The following PANK4 variants were observed in gnomAD, a reference collection of about 807,000 sequenced individuals.
The protein encoded by PANK4 is 4'-phosphopantetheine phosphatase.
Under a neutral mutation model 87.9 loss-of-function variants are expected in PANK4, and 40 were observed. The ratio of observed to expected loss-of-function variants is 0.46; its 90% CI spans 0.35 to 0.59. The LOEUF (loss-of-function observed/expected upper bound fraction) is 0.59, where lower values mean the gene tolerates loss of function less well. Ranked by LOEUF, PANK4 falls within the 20% of genes least tolerant of loss-of-function variation. The pLI, the probability that PANK4 is intolerant of heterozygous loss-of-function variation, is 0.00. For missense variants in PANK4, 926 were observed against 1,072.3 expected, an observed-to-expected ratio of 0.86 and a Z score of 1.90; for synonymous variants, 524 against 467.4, an observed-to-expected ratio of 1.12 and a Z score of -1.56.
At chr1:2,522,824 CTATAGTGA>C (rs1643887967) in intron 1 of PANK4, among the ~76,000 whole-genome samples, 1 of 45,100 alleles carries the variant, frequency 2.2e-5, no homozygotes, top group African/African-American at 8.3e-5. Flanking sequence ...CTGGATGGTG[CTATAGTGA>C]CTTAACGGAG....
rs1449528375 is a variant in PANK4 at position 2,508,596 on chromosome 1, G to A, written c.*251C>T. The A allele has an allele frequency of 4.7e-5, 10 of 213,752 alleles. No individual in the cohort carries two copies. The highest frequency in any genetic ancestry group is 1.0e-4 in the African/African-American group (4 of 38,510). 13.2% of individuals were successfully genotyped at this position (213,752 alleles called of 1,614,324 possible). On this transcript the variant is annotated 3_prime_UTR_variant, in exon 19 of 19. Transcript: ENST00000378466. The surrounding 1 kb of genome is among the most constrained non-coding windows in gnomAD (Gnocchi z 5.1). ...GTGCTGCGTCCCGTCAGACATACCT[G>A]TATAGATCTCTCTATTTATATATAT... is the stretch of plus-strand genomic sequence containing the variant.
intron 2 of PANK4, 64 bp from the exon 3 acceptor site, chr1:2,521,379 A>C (rs1350286050): frequency 1.6e-6 from 2 of 1,267,970 alleles, no homozygotes; most frequent in Non-Finnish European, 2.3e-6. Flanking sequence ...GGCTGTGCGC[A>C]CCCTGCCCTA....
In PANK4 at chr1:2,510,339, G is replaced by A. The variant is rs975890475; in HGVS notation, c.1939-182C>T. ...CTTGCCACTCTGTGGCCCCTGGGAG[G>A]GAGCTGAGCCGAGGGGCAGAGCTGA... On this transcript the variant is annotated intron_variant, in intron 16 of 18. Coordinates refer to ENST00000378466, the MANE Select transcript of PANK4 (RefSeq NM_018216.4). The surrounding 1 kb of genome is among the most constrained non-coding windows in gnomAD (Gnocchi z 4.9). 3.6e-5 allele frequency: 22 copies of A among 617,560 alleles called. No individual in the cohort carries two copies. The highest frequency in any genetic ancestry group is 5.5e-5 in the Non-Finnish European group (19 of 343,234). 38.3% of individuals were successfully genotyped at this position (617,560 alleles called of 1,614,324 possible).
intron 1 of PANK4, chr1:2,526,165 G>C (rs958618722): frequency 4.6e-5 from 7 of 152,342 alleles, no homozygotes; most frequent in African/African-American, 1.7e-4. Flanking sequence ...GCTGGACCCC[G>C]GCCCCCAGCC....
Position 2,515,408 on chromosome 1 carries a change from A to C in PANK4, c.1374+154T>G, listed in dbSNP as rs765935513. 7 of 863,360 alleles carry C rather than the reference A, an allele frequency of 8.1e-6. No individual in the cohort carries two copies. Among genetic ancestry groups the C allele is most frequent in the East Asian group, 7.9e-5 (3 of 38,128 alleles). The allele number at this position is 863,360 out of a possible 1,614,324, so 53.5% of individuals were successfully genotyped here. On this transcript the variant is annotated intron_variant, in intron 10 of 18. Coordinates refer to ENST00000378466, the MANE Select transcript of PANK4 (RefSeq NM_018216.4). This position sits in a 1 kb window ranked among gnomAD's most constrained non-coding sequence, Gnocchi z 5.0. ...CCAGGAGCGGTATTTTTGCCTGAGA[A>C]ACCAAAATCGCCCCCTCACTCAGAC...
At position 2,515,395 on chromosome 1, in the gene PANK4, T is replaced by A; in HGVS notation, c.1374+167A>T. 1.3e-6 allele frequency: 1 copy of A among 760,712 alleles called. No homozygotes were observed. The highest frequency in any genetic ancestry group is 2.3e-6 in the Non-Finnish European group (1 of 437,692). 47.1% of individuals were successfully genotyped at this position (760,712 alleles called of 1,614,324 possible). A position where few individuals can be genotyped will look rare whatever the true frequency, so the allele number is the denominator to read the frequency against. On this transcript the variant is annotated intron_variant, in intron 10 of 18. Transcript: ENST00000378466. This position sits in a 1 kb window ranked among gnomAD's most constrained non-coding sequence, Gnocchi z 5.0. ...ACCCACCAGGTGGCCAGGAGCGGTA[T>A]TTTTGCCTGAGAAACCAAAATCGCC...
rs1444826159 is a variant in PANK4, at chr1:2,510,818, G to A, written c.1834-36C>T. Reference sequence around the variant, plus strand: ...AAACCAGGACGTTCAGTTGGGAACAGGCGCATCCAAGCGAGTCAGTCCGCA... The same window carrying A: ...AAACCAGGACGTTCAGTTGGGAACAAGCGCATCCAAGCGAGTCAGTCCGCA... On this transcript the variant is annotated intron_variant, in intron 15 of 18. Coordinates refer to ENST00000378466, the MANE Select transcript of PANK4 (RefSeq NM_018216.4). The surrounding 1 kb of genome is among the most constrained non-coding windows in gnomAD (Gnocchi z 4.9). 1 of 1,265,628 alleles carries A rather than the reference G, an allele frequency of 7.9e-7. No individual in the cohort carries two copies. Among genetic ancestry groups the A allele is most frequent in the Non-Finnish European group, 1.2e-6 (1 of 863,156 alleles). The allele number at this position is 1,265,628 out of a possible 1,614,324, so 78.4% of individuals were successfully genotyped here.
At position 2,515,366 on chromosome 1, in the gene PANK4, A is replaced by G. The variant is rs1320888364; in HGVS notation, c.1374+196T>C. ...CGTGCCTCGCAGACGCCACGTCCTC[A>G]CTGACCCACCAGGTGGCCAGGAGCG... On this transcript the variant is annotated intron_variant, in intron 10 of 18. Coordinates refer to ENST00000378466, the MANE Select transcript of PANK4 (RefSeq NM_018216.4). This position sits in a 1 kb window ranked among gnomAD's most constrained non-coding sequence, Gnocchi z 5.0. 2 of 707,096 alleles carry G rather than the reference A, an allele frequency of 2.8e-6. No homozygotes were observed. Among genetic ancestry groups the G allele is most frequent in the East Asian group, 5.4e-5 (2 of 37,258 alleles). The allele number at this position is 707,096 out of a possible 1,614,324, so 43.8% of individuals were successfully genotyped here.
At chr1:2,512,511 G>T (rs760840717) in intron 13 of PANK4, 8 of 212,016 alleles carry the variant, frequency 3.8e-5, no homozygotes, top group Non-Finnish European at 7.6e-5. Context: ...CAGTCTAGGG[G>T]ACTGCTTTGC....
At chr1:2,514,899 C>T (rs893461154) in intron 10 of PANK4, among the ~76,000 whole-genome samples, 2 of 152,096 alleles carry the variant, frequency 1.3e-5, no homozygotes, top group East Asian at 1.9e-4. Context: ...CCAAGACCCA[C>T]GTCCTCAGAC....
chr1:2,514,129 C>A, intron 11 of PANK4, 40 bp from the exon 12 acceptor site: 1 of 1,507,392 alleles, frequency 6.6e-7, no homozygotes, highest in Non-Finnish European at 9.2e-7. Flanking sequence ...GCAGGGCAGG[C>A]CGAACACCCG....
rs762075085 is a variant in PANK4 at position 2,515,390 on chromosome 1, C to T, written c.1374+172G>A. The stretch of plus-strand genomic sequence containing the variant: ...CACTGACCCACCAGGTGGCCAGGAG[C>T]GGTATTTTTGCCTGAGAAACCAAAA... On this transcript the variant is annotated intron_variant, in intron 10 of 18. Coordinates refer to ENST00000378466, the MANE Select transcript of PANK4 (RefSeq NM_018216.4). The surrounding 1 kb of genome is among the most constrained non-coding windows in gnomAD (Gnocchi z 5.0). The T allele has an allele frequency of 3.8e-5, 28 of 732,402 alleles. No individual in the cohort carries two copies. Among genetic ancestry groups the T allele is most frequent in the East Asian group, 8.0e-5 (3 of 37,436 alleles). The allele number at this position is 732,402 out of a possible 1,614,324, so 45.4% of individuals were successfully genotyped here. A position where few individuals can be genotyped will look rare whatever the true frequency, so the allele number is the denominator to read the frequency against.
Position 2,519,879 on chromosome 1 carries a change from C to A in PANK4, c.775G>T (p.Gly259Cys), listed in dbSNP as rs2100789168. Residue 259 changes from glycine (G) to cysteine (C), a missense_variant, in exon 6 of 19, where the codon GGC (glycine) becomes TGC (cysteine). Gly to Cys is a radical substitution (Grantham distance 159, BLOSUM62 -3). Transcript: ENST00000378466. The surrounding 1 kb of genome is among the most constrained non-coding windows in gnomAD (Gnocchi z 8.3). ...NVDMLVRDVYGGAHQTLGLSG... is the reference protein window; with the variant it reads ...NVDMLVRDVYCGAHQTLGLSG... ...AGCCCGAGAGTCTGGTGGGCGCCGC[C>A]GTAGACGTCCCGCACCAGCATGTCC... 6.4e-7 allele frequency: 1 copy of A among 1,567,674 alleles called. No homozygotes were observed. The highest frequency in any genetic ancestry group is 2.4e-5 in the East Asian group (1 of 42,524).
Position 2,519,699 on chromosome 1 carries a change from G to T in PANK4, c.853+102C>A. 4 of 1,240,658 alleles carry T rather than the reference G, an allele frequency of 3.2e-6. No individual in the cohort carries two copies. Among genetic ancestry groups the T allele is most frequent in the Non-Finnish European group, 4.4e-6 (4 of 912,370 alleles). 76.9% of individuals were successfully genotyped at this position (1,240,658 alleles called of 1,614,324 possible). A position where few individuals can be genotyped will look rare whatever the true frequency, so the allele number is the denominator to read the frequency against. On this transcript the variant is annotated intron_variant, in intron 6 of 18. Coordinates refer to ENST00000378466, the MANE Select transcript of PANK4 (RefSeq NM_018216.4). This position sits in a 1 kb window ranked among gnomAD's most constrained non-coding sequence, Gnocchi z 8.3. ...TGACACCCAAGACCCCGACTCTCCA[G>T]GGAGCAGTTGTGGGAAAGCAATGGT...
rs2100785688 is a variant in PANK4, at chr1:2,518,526, A to C, written c.1107T>G (p.Ala369=). 6.4e-7 allele frequency: 1 copy of C among 1,565,634 alleles called. No homozygotes were observed. The highest frequency in any genetic ancestry group is 2.4e-5 in the East Asian group (1 of 42,250). ...AGCACCGCGACTCACTGTCCTGCTC[A>C]GCTCCTTTCAGGAACGCTCCGATGG... The part of the protein sequence containing the change: ...LGAIGAFLKG[A]EQDNPNQYSW... The change falls in exon 8 of 19, where the codon GCT becomes GCG. Residue 369 remains alanine (A), a synonymous_variant. Transcript: ENST00000378466.
At chr1:2,516,523 T>A (rs1257302786) in intron 9 of PANK4, among the ~76,000 whole-genome samples, 1 of 152,224 alleles carries the variant, frequency 6.6e-6, no homozygotes, top group African/African-American at 2.4e-5. Flanking sequence ...AGGGGAACTG[T>A]GTAGCTGACC....
In PANK4 at chr1:2,519,277, T is replaced by C; in HGVS notation, c.901A>G (p.Asn301Asp). The C allele has an allele frequency of 3.7e-6, 6 of 1,612,244 alleles. No homozygotes were observed. Among genetic ancestry groups the C allele is most frequent in the Non-Finnish European group, 5.1e-6 (6 of 1,179,570 alleles). Residue 301 changes from asparagine to aspartate, a missense_variant, in exon 7 of 19, where the codon AAC (asparagine) becomes GAC (aspartate). Asn to Asp is a conservative substitution (Grantham distance 23, BLOSUM62 1). Transcript: ENST00000378466. This position sits in a 1 kb window ranked among gnomAD's most constrained non-coding sequence, Gnocchi z 8.3. Reference protein sequence around the residue: ...MAKSLLHMISNDIGQLACLHA... With the variant: ...MAKSLLHMISDDIGQLACLHA... ...AGGCAGGCCAGCTGCCCAATGTCGT[T>C]GCTGATCATGTGCAGCAGGCTCTTC...
Position 2,520,796 on chromosome 1 carries a change from C to A in PANK4, c.533G>T (p.Arg178Leu). 1 of 1,612,744 alleles carries A rather than the reference C, an allele frequency of 6.2e-7. No homozygotes were observed. Among genetic ancestry groups the A allele is most frequent in the Non-Finnish European group, 8.5e-7 (1 of 1,179,524 alleles). The change falls in exon 4 of 19, where the codon CGG becomes CTG. Residue 178 changes from arginine to leucine, a missense_variant. Arg to Leu is a moderately radical substitution (Grantham distance 102). Transcript: ENST00000378466. The surrounding 1 kb of genome is among the most constrained non-coding windows in gnomAD (Gnocchi z 6.2). The part of the protein sequence containing the change: ...VYQKDSDPEF[R>L]FQTNHPHIFP... ...AATGTGGGGGTGGTTGGTCTGGAAC[C>A]GGAACTCAGGGTCGGAATCCTTCTG...
chr1:2,510,380 CT>C lies in PANK4; in HGVS notation c.1939-224del. 1 of 580,184 alleles carries C rather than the reference CT, an allele frequency of 1.7e-6. No individual in the cohort carries two copies. Among genetic ancestry groups the C allele is most frequent in the South Asian group, 2.0e-5 (1 of 49,544 alleles). The allele number at this position is 580,184 out of a possible 1,614,324, so 35.9% of individuals were successfully genotyped here. ...GCAGAGCTGAGTTTAGAGCCTGCCC[CT>C]GGGACCTGCCTGTCTGTGAAGTCAC... On this transcript the variant is annotated intron_variant, in intron 16 of 18. Coordinates refer to ENST00000378466, the MANE Select transcript of PANK4 (RefSeq NM_018216.4). The surrounding 1 kb of genome is among the most constrained non-coding windows in gnomAD (Gnocchi z 4.9).
Sources: allele counts gnomAD v4.1 joint callset (sites outside exome capture counted in the v4.1 genomes callset), GRCh38; gene constraint gnomAD v4.1.1; non-coding constraint Gnocchi (gnomAD v3.1); transcripts MANE v1.5; gene names NCBI Gene and HGNC (gene_info 2026-07-23, HGNC 2026-07-21).